Variants in OSBPL3 observed in about 807,000 individuals in gnomAD.
The protein encoded by OSBPL3 is oxysterol binding protein like 3, also known as oxysterol-binding protein-related protein 3.
Under a neutral mutation model 120.1 loss-of-function variants are expected in OSBPL3, and 65 were observed. The ratio of observed to expected loss-of-function variants is 0.54; its 90% CI spans 0.44 to 0.67. OSBPL3 has a LOEUF of 0.67. Among genes scored for constraint, OSBPL3 ranks in the 30% least tolerant of loss-of-function variants. OSBPL3 has a pLI of 0.00. For missense variants in OSBPL3, 1,004 were observed against 1,082.1 expected (o/e 0.93, Z 1.01); for synonymous variants, 416 against 402.6 (o/e 1.03, Z -0.40).
At chr7:24,864,847 A>T (rs1801077813) in intron 7 of OSBPL3, among the ~76,000 whole-genome samples, 1 of 152,120 alleles carries the variant, frequency 6.6e-6, no homozygotes, top group Non-Finnish European at 1.5e-5. Context: ...AAAATTAGTG[A>T]TATCAGGGCC....
rs1813740377 is a variant in OSBPL3, at chr7:24,946,438, T to C, written c.-150+33448A>G. ...GAACTTCTGGTCAGTTTTTAAAACTTCCACAGTGCTTAAAGGGGTAAGTTT... is the reference window on the plus strand; with the variant it reads ...GAACTTCTGGTCAGTTTTTAAAACTCCCACAGTGCTTAAAGGGGTAAGTTT... On this transcript the variant is annotated intron_variant, in intron 1 of 22. Coordinates refer to ENST00000313367, the MANE Select transcript of OSBPL3 (RefSeq NM_015550.4). This position sits in a 1 kb window ranked among gnomAD's most constrained non-coding sequence, Gnocchi z 4.3. 6.6e-6 allele frequency among the ~76,000 whole-genome samples: 1 copy of C among 152,184 alleles called. No homozygotes were observed. The highest frequency in any genetic ancestry group is 2.4e-5 in the African/African-American group (1 of 41,450).
chr7:24,897,644 C>T (rs1014168365), intron 1 of OSBPL3, among the ~76,000 whole-genome samples: 3 of 152,204 alleles, frequency 2.0e-5, no homozygotes, highest in Non-Finnish European at 1.5e-5. Context: ...AATCTTAAAA[C>T]ATGTGTGTCC....
chr7:24,904,912 T>C (rs1279759855), intron 1 of OSBPL3, among the ~76,000 whole-genome samples: 1 of 143,318 alleles, frequency 7.0e-6, no homozygotes, highest in Non-Finnish European at 1.5e-5. Context: ...CTGATCATAA[T>C]ATACAGGTGT....
rs13310319 is a variant in OSBPL3 at position 24,940,816 on chromosome 7, T to C, written c.-150+39070A>G. 1.5e-5 allele frequency among the ~76,000 whole-genome samples: 1 copy of C among 64,730 alleles called. No individual in the cohort carries two copies. 42.5% of individuals were successfully genotyped at this position (64,730 alleles called of 152,430 possible). ...TCTTCTTAACATTTCTTCCTTTTTT[T>C]TCTTTTTTTTTTTGTGTGTGTGTGA... On this transcript the variant is annotated intron_variant, in intron 1 of 22. Transcript: ENST00000313367. The surrounding 1 kb of genome is among the most constrained non-coding windows in gnomAD (Gnocchi z 4.4).
At chr7:24,901,404 T>C (rs1455585609) in intron 1 of OSBPL3, among the ~76,000 whole-genome samples, 1 of 151,686 alleles carries the variant, frequency 6.6e-6, no homozygotes, top group Non-Finnish European at 1.5e-5. Context: ...CCTGCTAAGA[T>C]GCATTCCCTT....
At chr7:24,979,542 G>A (rs1259842454) in intron 1 of OSBPL3, among the ~76,000 whole-genome samples, 3 of 152,170 alleles carry the variant, frequency 2.0e-5, no homozygotes, top group Non-Finnish European at 4.4e-5. Context: ...CCGGCGTAGC[G>A]CCTCCCCGCT....
chr7:24,813,630 C>A lies in OSBPL3; in HGVS notation c.2172+1429G>T, dbSNP rs539779437. Among the ~76,000 whole-genome samples, 5 of 152,240 alleles carry A rather than the reference C, an allele frequency of 3.3e-5. No individual in the cohort carries two copies. In the South Asian group the frequency reaches 1.0e-3, roughly 32 times the overall value. ...ATCCAGTTTGAGGCTATAATAAAGA[C>A]CCCAATCCACCTCTTCCTAAGTATT... On this transcript the variant is annotated intron_variant, in intron 19 of 22. Coordinates refer to ENST00000313367, the MANE Select transcript of OSBPL3 (RefSeq NM_015550.4). This position sits in a 1 kb window ranked among gnomAD's most constrained non-coding sequence, Gnocchi z 4.5.
intron 10 of OSBPL3, among the ~76,000 whole-genome samples, chr7:24,858,864 T>C (rs1232832262): frequency 6.6e-6 from 1 of 152,222 alleles, no homozygotes; most frequent in Non-Finnish European, 1.5e-5. Flanking sequence ...ACTCAGGACA[T>C]TTCCTCTGTG....
chr7:24,811,939 C>A (rs1443315728), intron 19 of OSBPL3, among the ~76,000 whole-genome samples: 2 of 152,264 alleles, frequency 1.3e-5, no homozygotes, highest in African/African-American at 4.8e-5. Flanking sequence ...TAACTATCTG[C>A]AGTTTGTAAC....
Position 24,862,274 on chromosome 7 carries a change from T to C in OSBPL3, c.871-505A>G, listed in dbSNP as rs1330993763. 6.6e-6 allele frequency among the ~76,000 whole-genome samples: 1 copy of C among 152,194 alleles called. No homozygotes were observed. The highest frequency in any genetic ancestry group is 2.4e-5 in the African/African-American group (1 of 41,448). On this transcript the variant is annotated intron_variant, in intron 9 of 22. Transcript: ENST00000313367. This position sits in a 1 kb window ranked among gnomAD's most constrained non-coding sequence, Gnocchi z 4.4. ...CCACAGAAACTTGCTTCTTGTGAGC[T>C]AAAAATGGGTGAGAAATCACATATT...
intron 12 of OSBPL3, among the ~76,000 whole-genome samples, chr7:24,845,713 C>T (rs1798370399): frequency 6.7e-6 from 1 of 148,254 alleles, no homozygotes; most frequent in African/African-American, 2.5e-5. Context: ...TTTTCTATTG[C>T]AACCCAATTT....
intron 1 of OSBPL3, among the ~76,000 whole-genome samples, chr7:24,963,198 A>G (rs1292039790): frequency 6.6e-6 from 1 of 152,212 alleles, no homozygotes; most frequent in East Asian, 1.9e-4. Context: ...CTCACAGGAT[A>G]AAGTGAAATC....
intron 1 of OSBPL3, among the ~76,000 whole-genome samples, chr7:24,926,112 A>G (rs137): frequency 0.28 from 43,126 of 152,062 alleles, 6,292 homozygotes; most frequent in South Asian, 0.38. Flanking sequence ...CTTTGTGTCT[A>G]GAACAATTAC....
At position 24,852,795 on chromosome 7, in the gene OSBPL3, T is replaced by C. The variant is rs150212671; in HGVS notation, c.1028-161A>G. On this transcript the variant is annotated intron_variant, in intron 10 of 22. Coordinates refer to ENST00000313367, the MANE Select transcript of OSBPL3 (RefSeq NM_015550.4). This position sits in a 1 kb window ranked among gnomAD's most constrained non-coding sequence, Gnocchi z 4.1. ...CTACCTTGACTTTTAAAAAACACAT[T>C]TGCCATGTAGAACACGCTAATGTAA... is the stretch of plus-strand genomic sequence containing the variant. Among the ~76,000 whole-genome samples, 2 of 152,296 alleles carry C rather than the reference T, an allele frequency of 1.3e-5. No individual in the cohort carries two copies. Among genetic ancestry groups the C allele is most frequent in the East Asian group, 1.9e-4 (1 of 5,194 alleles).
At chr7:24,826,763 GCTTTCT>G (rs1478611995) in intron 16 of OSBPL3, among the ~76,000 whole-genome samples, 6 of 152,130 alleles carry the variant, frequency 3.9e-5, no homozygotes, top group African/African-American at 1.4e-4. Flanking sequence ...AACAAGAAAT[GCTTTCT>G]CTGATTTCTG....
chr7:24,962,427 A>AAGGGAGGGGAGGGGAGAG (rs1367723950), intron 1 of OSBPL3, among the ~76,000 whole-genome samples: 1 of 53,494 alleles, frequency 1.9e-5, no homozygotes, highest in African/African-American at 8.6e-5. Flanking sequence ...AGGGGAGGGG[A>AAGGGAGGGGAGGGGAGAG]GAGGAGAGAG....
chr7:24,974,625 A>T (rs1000344597), intron 1 of OSBPL3, among the ~76,000 whole-genome samples: 1 of 152,214 alleles, frequency 6.6e-6, no homozygotes, highest in African/African-American at 2.4e-5. Flanking sequence ...AGATAAATAA[A>T]ACCGTGGTAT....
At position 24,871,253 on chromosome 7, in the gene OSBPL3, A is replaced by G. The variant is rs538597774; in HGVS notation, c.268-408T>C. Among the ~76,000 whole-genome samples, 1 of 152,330 alleles carries G rather than the reference A, an allele frequency of 6.6e-6. No individual in the cohort carries two copies. Among genetic ancestry groups the G allele is most frequent in the East Asian group, 1.9e-4 (1 of 5,184 alleles). ...TATTAATAAAAGAAGTGAGAGCAGAAGGCTGAGAGAGGACAGGAGAGGAAG... is the reference window on the plus strand; with the variant it reads ...TATTAATAAAAGAAGTGAGAGCAGAGGGCTGAGAGAGGACAGGAGAGGAAG... On this transcript the variant is annotated intron_variant, in intron 4 of 22. Coordinates refer to ENST00000313367, the MANE Select transcript of OSBPL3 (RefSeq NM_015550.4). The surrounding 1 kb of genome is among the most constrained non-coding windows in gnomAD (Gnocchi z 4.8).
intron 5 of OSBPL3, among the ~76,000 whole-genome samples, chr7:24,868,656 G>C (rs1414690856): frequency 6.6e-6 from 1 of 152,184 alleles, no homozygotes; most frequent in African/African-American, 2.4e-5. Context: ...TATAAGACTG[G>C]AAGCACCTGC....
Sources: gnomAD v4.1 joint callset for allele counts (sites outside exome capture counted in the v4.1 genomes callset) on GRCh38, gnomAD v4.1.1 for gene constraint, Gnocchi (gnomAD v3.1) non-coding constraint, MANE v1.5 for transcripts, NCBI Gene and HGNC (gene_info 2026-07-23, HGNC 2026-07-21) for gene names.